The following CFAP58 variants were observed in gnomAD, a reference collection of about 807,000 sequenced individuals.
The protein encoded by CFAP58 is cilia- and flagella-associated protein 58.
Under a neutral mutation model 119.5 loss-of-function variants are expected in CFAP58, and 88 were observed. The ratio of observed to expected loss-of-function variants is 0.74; its 90% CI spans 0.62 to 0.88. The LOEUF is 0.88. CFAP58 is among the 40% of genes least tolerant of loss of function. CFAP58 has a pLI of 0.00. For synonymous variants in CFAP58, 365 were observed against 366.3 expected (o/e 1.00, Z 0.04); for missense variants, 990 against 1,021.2 (o/e 0.97, Z 0.42).
chr10:104,357,845 G>A (rs71496567), intron 1 of CFAP58, among the ~76,000 whole-genome samples: 13,313 of 90,756 alleles, frequency 0.15, 1,237 homozygotes, highest in African/African-American at 0.24. Context: ...GTACACATAT[G>A]TACACATATA....
chr10:104,420,486 TC>T (rs1462628013), intron 15 of CFAP58, among the ~76,000 whole-genome samples: 8 of 152,100 alleles, frequency 5.3e-5, no homozygotes, highest in Admixed American at 2.6e-4. Context: ...TTAGCAAGGG[TC>T]TTTTTTGTGT....
At chr10:104,348,855 G>T (rs2014427687), upstream of CFAP58, among the ~76,000 whole-genome samples, 1 of 152,190 alleles carries the variant, frequency 6.6e-6, no homozygotes, top group East Asian at 1.9e-4. Context: ...ATTCAGTAGT[G>T]ATTCACTGAA....
chr10:104,367,110 T>G (rs1014833136), intron 5 of CFAP58, among the ~76,000 whole-genome samples: 4 of 152,108 alleles, frequency 2.6e-5, no homozygotes, highest in Non-Finnish European at 4.4e-5. Flanking sequence ...CCAACTGTCT[T>G]GGCCTCCCAG....
At position 104,399,517 on chromosome 10, in the gene CFAP58, T is replaced by A; in HGVS notation, c.1815+17T>A. Reference sequence around the variant, plus strand: ...TTAGACCAGGTAGAGCATCTCCTTGTCAGACTTGCAGACCTTGTCAACAGA... The same window carrying A: ...TTAGACCAGGTAGAGCATCTCCTTGACAGACTTGCAGACCTTGTCAACAGA... On this transcript the variant is annotated intron_variant, in intron 12 of 17. Coordinates refer to ENST00000369704, the MANE Select transcript of CFAP58 (RefSeq NM_001008723.2). 5 of 1,611,974 alleles carry A rather than the reference T, an allele frequency of 3.1e-6. No homozygotes were observed. The highest frequency in any genetic ancestry group is 4.2e-6 in the Non-Finnish European group (5 of 1,178,848).
chr10:104,385,688 C>A (rs2011908491), intron 9 of CFAP58, among the ~76,000 whole-genome samples: 1 of 151,980 alleles, frequency 6.6e-6, no homozygotes, highest in Non-Finnish European at 1.5e-5. Context: ...GAGAAGAGGG[C>A]AGAGAATAGA....
chr10:104,387,825 C>T (rs547104167), intron 9 of CFAP58, among the ~76,000 whole-genome samples: 59 of 152,254 alleles, frequency 3.9e-4, no homozygotes, highest in African/African-American at 1.4e-3. Context: ...TGGCAGTCAC[C>T]TCGCAGACAT....
chr10:104,339,124 T>C, the CFAP58 span, among the ~76,000 whole-genome samples: 2 of 152,164 alleles, frequency 1.3e-5, no homozygotes, highest in Non-Finnish European at 2.9e-5. Context: ...GTCAGGCTGG[T>C]CTCGAACTCC....
At chr10:104,351,538 T>A (rs2014459625), upstream of CFAP58, 1 of 152,190 alleles carries the variant, frequency 6.6e-6, no homozygotes, top group South Asian at 2.1e-4. Flanking sequence ...AACATACTCA[T>A]GTCTATTTGG....
At chr10:104,424,693 A>G (rs1484936256) in intron 15 of CFAP58, among the ~76,000 whole-genome samples, 1 of 152,180 alleles carries the variant, frequency 6.6e-6, no homozygotes, top group Non-Finnish European at 1.5e-5. Flanking sequence ...TGACACCTAA[A>G]CACGACATTC....
Position 104,432,507 on chromosome 10 carries a change from CT to C in CFAP58, c.2257-15177del, listed in dbSNP as rs747229634. Among the ~76,000 whole-genome samples the C allele has an allele frequency of 4.4e-3, 635 of 143,524 alleles. 1 individual carries two copies. The highest frequency in any genetic ancestry group is 0.012 in the African/African-American group (471 of 39,554). The allele number at this position is 143,524 out of a possible 152,430, so 94.2% of individuals were successfully genotyped here. Reference sequence around the variant, plus strand: ...TGTTAAAATGTGGGTGTAATAGGCACTTTTTTTTTTTTTTGAGACGGAGTCT... The same window carrying C: ...TGTTAAAATGTGGGTGTAATAGGCACTTTTTTTTTTTTTGAGACGGAGTCT... On this transcript the variant is annotated intron_variant, in intron 15 of 17. Coordinates refer to ENST00000369704, the MANE Select transcript of CFAP58 (RefSeq NM_001008723.2).
chr10:104,440,433 G>A (rs2013019439), intron 15 of CFAP58, among the ~76,000 whole-genome samples: 1 of 152,076 alleles, frequency 6.6e-6, no homozygotes, highest in Admixed American at 6.5e-5. Flanking sequence ...TTGAATCCTT[G>A]TAATTCATCC....
At chr10:104,435,457 G>C (rs956492437) in intron 15 of CFAP58, among the ~76,000 whole-genome samples, 4 of 152,160 alleles carry the variant, frequency 2.6e-5, no homozygotes, top group African/African-American at 9.7e-5. Context: ...ACTCCAGCCT[G>C]GGTGACAGAG....
chr10:104,399,244 A>G (rs1008692804), intron 11 of CFAP58, 116 bp from the exon 12 acceptor site: 2 of 1,082,598 alleles, frequency 1.8e-6, no homozygotes, highest in African/African-American at 1.6e-5. Flanking sequence ...ACTGTGTTAA[A>G]TGAAACATCA....
upstream of CFAP58, among the ~76,000 whole-genome samples, chr10:104,352,280 G>A (rs142420309): frequency 2.6e-5 from 4 of 152,320 alleles, no homozygotes; most frequent in East Asian, 1.9e-4. Context: ...GGAGTGCAGC[G>A]TAGGGCAGTA....
At position 104,429,871 on chromosome 10, in the gene CFAP58, AT is replaced by A. The variant is rs35432269; in HGVS notation, c.2257-17815del. 1.6e-3 allele frequency among the ~76,000 whole-genome samples: 238 copies of A among 146,530 alleles called. No homozygotes were observed. The East Asian group carries it at 0.029, about 18-fold the overall frequency. On this transcript the variant is annotated intron_variant, in intron 15 of 17. Coordinates refer to ENST00000369704, the MANE Select transcript of CFAP58 (RefSeq NM_001008723.2). ...TTGGACAGGACACAAATATAAACTC[AT>A]TTTTTTTTTTTCCCACAGCCTCTCC...
At chr10:104,368,968 C>A (rs1252250188) in intron 6 of CFAP58, among the ~76,000 whole-genome samples, 2 of 152,154 alleles carry the variant, frequency 1.3e-5, no homozygotes, top group African/African-American at 4.8e-5. Context: ...CTAGGGTCTA[C>A]TTACAGGATT....
At chr10:104,351,630 A>T (rs2014460553), upstream of CFAP58, 1 of 152,256 alleles carries the variant, frequency 6.6e-6, no homozygotes, top group Non-Finnish European at 1.5e-5. Flanking sequence ...GGAGAAAAAT[A>T]TAGTTAGATC....
At chr10:104,343,434 A>T in the CFAP58 span, among the ~76,000 whole-genome samples, 1 of 152,232 alleles carries the variant, frequency 6.6e-6, no homozygotes, top group Non-Finnish European at 1.5e-5. Flanking sequence ...GCTAGGTATT[A>T]CTCAAGCATT....
At chr10:104,339,035 A>C in the CFAP58 span, among the ~76,000 whole-genome samples, 1 of 151,494 alleles carries the variant, frequency 6.6e-6, no homozygotes, top group Non-Finnish European at 1.5e-5. Flanking sequence ...CAGCCTCCCG[A>C]GTAGCTGGGA....
Sources: gnomAD v4.1 joint callset for allele counts (sites outside exome capture counted in the v4.1 genomes callset) on GRCh38, gnomAD v4.1.1 for gene constraint, MANE v1.5 for transcripts, NCBI Gene and HGNC (gene_info 2026-07-23, HGNC 2026-07-21) for gene names.